Variants in TAFA5 observed in about 807,000 individuals in gnomAD.
The protein encoded by TAFA5 is TAFA chemokine like family member 5, also known as chemokine-like protein TAFA-5.
A neutral mutation model predicts 15.3 loss-of-function variants in TAFA5; 6 were observed. The observed-to-expected ratio is 0.39, with a 90% CI of 0.21 to 0.77. The LOEUF (loss-of-function observed/expected upper bound fraction) is 0.77. Ranked by LOEUF, TAFA5 falls within the 30% of genes least tolerant of loss-of-function variation. The pLI is 0.41. For synonymous variants in TAFA5, 103 were observed against 80.7 expected, an observed-to-expected ratio of 1.28 and a Z score of -1.48; for missense variants, 161 against 193.1, an observed-to-expected ratio of 0.83 and a Z score of 0.98.
chr22:48,572,650 G>A (rs547340213), intron 1 of TAFA5, among the ~76,000 whole-genome samples: 6 of 152,264 alleles, frequency 3.9e-5, no homozygotes, highest in African/African-American at 9.6e-5. Flanking sequence ...GGTGAAGCCT[G>A]TGCCACCCAT....
At chr22:48,713,380 C>T (rs1055565187) in intron 3 of TAFA5, among the ~76,000 whole-genome samples, 3 of 152,214 alleles carry the variant, frequency 2.0e-5, no homozygotes, top group Non-Finnish European at 4.4e-5. Context: ...CCAGGGCCTC[C>T]GTTGGATATG....
At position 48,742,903 on chromosome 22, in the gene TAFA5, G is replaced by A. The variant is rs1019427944; in HGVS notation, c.391-6936G>A. On this transcript the variant is annotated intron_variant, in intron 3 of 3. Coordinates refer to ENST00000402357, the MANE Select transcript of TAFA5 (RefSeq NM_001082967.3). The surrounding 1 kb of genome is among the most constrained non-coding windows in gnomAD (Gnocchi z 6.2). ...TCTGCTGCCTCCATGCAGCCCACAC[G>A]CGGGGCCCCCACAGTGCGGACATGT... Among the ~76,000 whole-genome samples the A allele has an allele frequency of 1.4e-4, 22 of 152,102 alleles. No homozygotes were observed. The highest frequency in any genetic ancestry group is 3.4e-4 in the African/African-American group (14 of 41,420).
At chr22:48,714,601 G>A (rs543804226) in intron 3 of TAFA5, among the ~76,000 whole-genome samples, 1 of 152,300 alleles carries the variant, frequency 6.6e-6, no homozygotes, top group East Asian at 1.9e-4. Flanking sequence ...AAGCATGGCA[G>A]GAACTTCTGG....
At chr22:48,712,745 C>G (rs568646307) in intron 3 of TAFA5, among the ~76,000 whole-genome samples, 7 of 152,340 alleles carry the variant, frequency 4.6e-5, no homozygotes, top group African/African-American at 1.7e-4. Context: ...CTTGGCCCGC[C>G]ACTCTGGCTC....
chr22:48,508,046 C>A (rs1921067610), intron 1 of TAFA5, among the ~76,000 whole-genome samples: 1 of 152,098 alleles, frequency 6.6e-6, no homozygotes, highest in Admixed American at 6.5e-5. Context: ...TGTCACTCGG[C>A]CCCTAGAGCC....
rs1930437536 is a variant in TAFA5 at position 48,750,025 on chromosome 22, C to T, written c.*178C>T. ...TTGGCATCCTGAGCTTCGGTCTGTC[C>T]AGCCGACCCGAGGAGGCCGGACTCA... is the stretch of plus-strand genomic sequence containing the variant. On this transcript the variant is annotated 3_prime_UTR_variant, in exon 4 of 4. Transcript: ENST00000402357. 1.5e-6 allele frequency: 1 copy of T among 647,680 alleles called. No homozygotes were observed. Among genetic ancestry groups the T allele is most frequent in the Admixed American group, 2.7e-5 (1 of 37,688 alleles). 40.1% of individuals were successfully genotyped at this position (647,680 alleles called of 1,614,324 possible). A position where few individuals can be genotyped will look rare whatever the true frequency, so the allele number is the denominator to read the frequency against.
chr22:48,537,051 G>A (rs947457689), intron 1 of TAFA5, among the ~76,000 whole-genome samples: 3 of 152,208 alleles, frequency 2.0e-5, no homozygotes, highest in Non-Finnish European at 4.4e-5. Context: ...GTGGTCAGGA[G>A]GAATGCCACC....
At chr22:48,743,503 G>C (rs565589906) in intron 3 of TAFA5, among the ~76,000 whole-genome samples, 1 of 152,320 alleles carries the variant, frequency 6.6e-6, no homozygotes, top group Non-Finnish European at 1.5e-5. Flanking sequence ...CACAGGTATG[G>C]GGTCAGGATC....
intron 2 of TAFA5, among the ~76,000 whole-genome samples, chr22:48,669,454 A>G (rs578135879): frequency 1.3e-5 from 2 of 152,354 alleles, no homozygotes; most frequent in African/African-American, 4.8e-5. Context: ...TCAGGTGCCC[A>G]TGTCTCCGCC....
At chr22:48,555,910 G>A (rs903980859) in intron 1 of TAFA5, among the ~76,000 whole-genome samples, 1 of 152,216 alleles carries the variant, frequency 6.6e-6, no homozygotes, top group East Asian at 1.9e-4. Flanking sequence ...GGTGGTGCTT[G>A]TGAGGGGTGG....
At chr22:48,616,884 C>T (rs1268004798) in intron 1 of TAFA5, among the ~76,000 whole-genome samples, 2 of 152,078 alleles carry the variant, frequency 1.3e-5, no homozygotes, top group African/African-American at 4.8e-5. Context: ...GTGGGAGCGT[C>T]TTGTCCGAGA....
At chr22:48,514,345 A>G (rs1921327869) in intron 1 of TAFA5, among the ~76,000 whole-genome samples, 1 of 152,156 alleles carries the variant, frequency 6.6e-6, no homozygotes, top group Non-Finnish European at 1.5e-5. Context: ...TTATATTACA[A>G]TCCCCAGGCG....
intron 1 of TAFA5, among the ~76,000 whole-genome samples, chr22:48,595,280 AC>A (rs1487790547): frequency 6.6e-6 from 1 of 152,066 alleles, no homozygotes; most frequent in Non-Finnish European, 1.5e-5. Context: ...CCAACCTCAA[AC>A]TTCAGGGAGA....
At chr22:48,730,130 A>T (rs1272911753) in intron 3 of TAFA5, among the ~76,000 whole-genome samples, 1 of 152,216 alleles carries the variant, frequency 6.6e-6, no homozygotes, top group African/African-American at 2.4e-5. Context: ...TACGCCTGTA[A>T]TCCCAGCACT....
At chr22:48,514,436 C>T (rs1921330925) in intron 1 of TAFA5, among the ~76,000 whole-genome samples, 1 of 152,250 alleles carries the variant, frequency 6.6e-6, no homozygotes, top group South Asian at 2.1e-4. Flanking sequence ...AATAACTTCG[C>T]CATGACTTTT....
chr22:48,648,967 T>C (rs933939537), intron 2 of TAFA5, among the ~76,000 whole-genome samples: 1 of 152,224 alleles, frequency 6.6e-6, no homozygotes, highest in African/African-American at 2.4e-5. Context: ...GGAGGAGGGC[T>C]GACGGAATCA....
intron 2 of TAFA5, chr22:48,693,316 G>A (rs2147239848): frequency 1.2e-6 from 2 of 1,610,708 alleles, no homozygotes; most frequent in African/African-American, 1.3e-5. Context: ...GAGAGTAATT[G>A]AAAGGAAGAG....
rs185694069 is a variant in TAFA5 at position 48,630,505 on chromosome 22, G to C, written c.113-16092G>C. Among the ~76,000 whole-genome samples the C allele has an allele frequency of 8.5e-4, 130 of 152,268 alleles. 2 individuals carry two copies. Among genetic ancestry groups the C allele is most frequent in the African/African-American group, 3.1e-3 (130 of 41,552 alleles). ...GTGTGATGACCAGGTGTGCGCTGTT[G>C]TGTCCACAACTTTCCAGCCTCGCTC... On this transcript the variant is annotated intron_variant, in intron 1 of 3. Coordinates refer to ENST00000402357, the MANE Select transcript of TAFA5 (RefSeq NM_001082967.3).
chr22:48,743,716 T>C (rs1287620309), intron 3 of TAFA5, among the ~76,000 whole-genome samples: 1 of 152,214 alleles, frequency 6.6e-6, no homozygotes, highest in African/African-American at 2.4e-5. Flanking sequence ...TGATGTCCAA[T>C]CTGCCAGCCC....
Sources: allele counts gnomAD v4.1 joint callset (sites outside exome capture counted in the v4.1 genomes callset), GRCh38; gene constraint gnomAD v4.1.1; non-coding constraint Gnocchi (gnomAD v3.1); transcripts MANE v1.5; gene names NCBI Gene and HGNC (gene_info 2026-07-23, HGNC 2026-07-21).